BCAS3: variants seen among roughly 807,000 people sequenced by gnomAD.
The protein encoded by BCAS3 is BCAS3 microtubule associated cell migration factor, also known as BCAS4/BCAS3 fusion.
A neutral mutation model predicts 116.1 loss-of-function variants in BCAS3; 53 were observed. The observed-to-expected ratio is 0.46, with a 90% CI of 0.37 to 0.57. BCAS3 has a LOEUF of 0.57. BCAS3 is among the 20% of genes least tolerant of loss of function. The probability of loss-of-function intolerance (pLI) is 0.00; values close to 1 mark genes in which losing one functional copy is unlikely to be tolerated. For missense variants in BCAS3, 917 were observed against 1,165.4 expected, an observed-to-expected ratio of 0.79 and a Z score of 3.10; for synonymous variants, 391 against 408.2, an observed-to-expected ratio of 0.96 and a Z score of 0.51.
chr17:60,707,581 T>C (rs1274442549), intron 4 of BCAS3, among the ~76,000 whole-genome samples: 1 of 152,250 alleles, frequency 6.6e-6, no homozygotes, highest in Non-Finnish European at 1.5e-5. Context: ...AAGTTTTAAG[T>C]TTAGGCATCT....
intron 22 of BCAS3, among the ~76,000 whole-genome samples, chr17:61,179,023 G>A (rs1463267426): frequency 6.6e-6 from 1 of 152,078 alleles, no homozygotes; most frequent in Non-Finnish European, 1.5e-5. Context: ...CTAGTTTAAT[G>A]CACCAAGTGA....
chr17:60,751,289 C>T (rs1470284173), intron 6 of BCAS3, among the ~76,000 whole-genome samples: 2 of 152,010 alleles, frequency 1.3e-5, no homozygotes, highest in Non-Finnish European at 2.9e-5. Context: ...ATACAATATT[C>T]CAGAAAGCTA....
chr17:60,705,192 C>T (rs1170778079), intron 4 of BCAS3, among the ~76,000 whole-genome samples: 1 of 152,038 alleles, frequency 6.6e-6, no homozygotes, highest in Non-Finnish European at 1.5e-5. Flanking sequence ...TTTTGCATGA[C>T]TTACAGGATT....
At chr17:61,115,064 C>T (rs1339402044) in intron 22 of BCAS3, among the ~76,000 whole-genome samples, 2 of 149,972 alleles carry the variant, frequency 1.3e-5, no homozygotes, top group African/African-American at 4.9e-5. Flanking sequence ...TGGATCCCTT[C>T]CTTACACCTT....
intron 22 of BCAS3, among the ~76,000 whole-genome samples, chr17:61,183,011 C>T (rs974750494): frequency 6.6e-6 from 1 of 152,144 alleles, no homozygotes; most frequent in African/African-American, 2.4e-5. Flanking sequence ...ACTGATATCT[C>T]CTGTGTGTCC....
intron 22 of BCAS3, among the ~76,000 whole-genome samples, chr17:61,170,012 G>A (rs1568496601): frequency 6.6e-6 from 1 of 151,706 alleles, no homozygotes; most frequent in African/African-American, 2.4e-5. Context: ...ATGCCACCTC[G>A]CCTGGCTGAT....
chr17:61,029,587 C>CTGAATAGG lies in BCAS3; in HGVS notation c.1638-5079_1638-5078insTGAATAGG, dbSNP rs2066485910. 6.6e-6 allele frequency among the ~76,000 whole-genome samples: 1 copy of CTGAATAGG among 151,828 alleles called. No individual in the cohort carries two copies. The highest frequency in any genetic ancestry group is 2.4e-5 in the African/African-American group (1 of 41,386). On this transcript the variant is annotated intron_variant, in intron 16 of 23. Coordinates refer to ENST00000407086, the MANE Select transcript of BCAS3 (RefSeq NM_017679.5). This position sits in a 1 kb window ranked among gnomAD's most constrained non-coding sequence, Gnocchi z 5.2. ...ATATTACAAATAAATAGGAATGTAT[C>CTGAATAGG]AAGCTCTGAATTTGCATGTAGTGTT...
intron 6 of BCAS3, among the ~76,000 whole-genome samples, chr17:60,796,774 T>A (rs2047247972): frequency 6.6e-6 from 1 of 152,324 alleles, no homozygotes; most frequent in South Asian, 2.1e-4. Context: ...TTTGTTCTTG[T>A]TTCTCTAGTT....
intron 4 of BCAS3, among the ~76,000 whole-genome samples, chr17:60,699,301 G>A (rs1351738073): frequency 6.6e-6 from 1 of 151,966 alleles, no homozygotes; most frequent in Non-Finnish European, 1.5e-5. Flanking sequence ...TGCAACATCC[G>A]CCTCCTGGGT....
chr17:60,874,156 T>A (rs2055375841), intron 8 of BCAS3, among the ~76,000 whole-genome samples: 1 of 152,122 alleles, frequency 6.6e-6, no homozygotes, highest in South Asian at 2.1e-4. Flanking sequence ...AGTCTTGACC[T>A]CCTGGGCTCA....
At chr17:60,857,774 AT>A (rs2053805336) in intron 7 of BCAS3, among the ~76,000 whole-genome samples, 1 of 152,202 alleles carries the variant, frequency 6.6e-6, no homozygotes, top group African/African-American at 2.4e-5. Context: ...GAATGTGTGA[AT>A]TTGTGAAGAC....
Position 61,392,444 on chromosome 17 carries a change from C to A in BCAS3, c.*319C>A. 1 of 105,520 alleles carries A rather than the reference C, an allele frequency of 9.5e-6. No individual in the cohort carries two copies. The highest frequency in any genetic ancestry group is 2.0e-5 in the Non-Finnish European group (1 of 48,814). 6.5% of individuals were successfully genotyped at this position (105,520 alleles called of 1,614,324 possible). A position where few individuals can be genotyped will look rare whatever the true frequency, so the allele number is the denominator to read the frequency against. ...TTTTTTAACCATACCCACGGTGGGG[C>A]GGGTGGGGGGAGCCTGGAACAGTGA... On this transcript the variant is annotated 3_prime_UTR_variant, in exon 24 of 24. Transcript: ENST00000407086. The surrounding 1 kb of genome is among the most constrained non-coding windows in gnomAD (Gnocchi z 6.4).
rs1351841076 is a variant in BCAS3, at chr17:60,987,320, C to T, written c.1222-2651C>T. ...TTTGCTCAGGATAGCTTTGGTTATT[C>T]TGGGTCTTTTGTGGCTCTATATACA... On this transcript the variant is annotated intron_variant, in intron 14 of 23. Coordinates refer to ENST00000407086, the MANE Select transcript of BCAS3 (RefSeq NM_017679.5). 8.6e-4 allele frequency among the ~76,000 whole-genome samples: 117 copies of T among 136,416 alleles called. 1 individual carries two copies. Among genetic ancestry groups the T allele is most frequent in the Admixed American group, 8.5e-3 (115 of 13,530 alleles). The allele number at this position is 136,416 out of a possible 152,430, so 89.5% of individuals were successfully genotyped here. A position where few individuals can be genotyped will look rare whatever the true frequency, so the allele number is the denominator to read the frequency against.
intron 22 of BCAS3, among the ~76,000 whole-genome samples, chr17:61,170,276 TTTTTTG>T (rs1265013269): frequency 9.3e-5 from 14 of 150,758 alleles, no homozygotes; most frequent in Non-Finnish European, 1.6e-4. Context: ...GATGTAATGG[TTTTTTG>T]TTTTTGTTTT....
chr17:61,330,498 C>A (rs548270136), intron 22 of BCAS3, among the ~76,000 whole-genome samples: 5 of 152,368 alleles, frequency 3.3e-5, no homozygotes, highest in Admixed American at 3.3e-4. Flanking sequence ...ATTCCCTGGG[C>A]AGCAGGACAT....
At position 61,387,951 on chromosome 17, in the gene BCAS3, TA is replaced by T. The variant is rs1373823769; in HGVS notation, c.2594-4025del. 6.6e-6 allele frequency among the ~76,000 whole-genome samples: 1 copy of T among 152,160 alleles called. No homozygotes were observed. Among genetic ancestry groups the T allele is most frequent in the Non-Finnish European group, 1.5e-5 (1 of 68,024 alleles). On this transcript the variant is annotated intron_variant, in intron 23 of 23. Coordinates refer to ENST00000407086, the MANE Select transcript of BCAS3 (RefSeq NM_017679.5). This position sits in a 1 kb window ranked among gnomAD's most constrained non-coding sequence, Gnocchi z 6.2. ...GGAAGCCACTCCTCCTCTCCTGCCC[TA>T]CTTTGGGGCCTGGAGAACAAGCTCT...
At position 61,026,809 on chromosome 17, in the gene BCAS3, A is replaced by G; in HGVS notation, c.1638-7857A>G. 1 of 1,458,880 alleles carries G rather than the reference A, an allele frequency of 6.9e-7. No individual in the cohort carries two copies. The highest frequency in any genetic ancestry group is 2.4e-5 in the East Asian group (1 of 41,256). 90.4% of individuals were successfully genotyped at this position (1,458,880 alleles called of 1,614,324 possible). On this transcript the variant is annotated intron_variant, in intron 16 of 23. Coordinates refer to ENST00000407086, the MANE Select transcript of BCAS3 (RefSeq NM_017679.5). This position sits in a 1 kb window ranked among gnomAD's most constrained non-coding sequence, Gnocchi z 5.0. The stretch of plus-strand genomic sequence containing the variant: ...ACAGTATGATATACTTGTATTTGCT[A>G]ATGTTAAATGAGTTTTTCTCTAATT...
intron 12 of BCAS3, among the ~76,000 whole-genome samples, chr17:60,918,346 T>C (rs2058883127): frequency 6.6e-6 from 1 of 152,218 alleles, no homozygotes; most frequent in South Asian, 2.1e-4. Context: ...TTGGGGTACA[T>C]GTGATATTTT....
intron 1 of BCAS3, among the ~76,000 whole-genome samples, chr17:60,678,374 T>G (rs946876780): frequency 1.3e-5 from 2 of 152,162 alleles, no homozygotes; most frequent in Non-Finnish European, 2.9e-5. Context: ...GAATGCTCCC[T>G]ACTTAAAAAT....
Sources: gnomAD v4.1 joint callset for allele counts (sites outside exome capture counted in the v4.1 genomes callset) on GRCh38, gnomAD v4.1.1 for gene constraint, Gnocchi (gnomAD v3.1) non-coding constraint, MANE v1.5 for transcripts, NCBI Gene and HGNC (gene_info 2026-07-23, HGNC 2026-07-21) for gene names.